The following MKLN1 variants were observed in gnomAD, a reference collection of about 807,000 sequenced individuals.
MKLN1 encodes the protein muskelin.
In MKLN1, 18 loss-of-function variants were observed where a neutral mutation model predicts 99.0. That is an observed-to-expected ratio of 0.18 (90% CI 0.13 to 0.27). MKLN1 has a LOEUF of 0.27. Ranked by LOEUF, MKLN1 falls within the 10% of genes least tolerant of loss-of-function variation. The pLI, the probability that MKLN1 is intolerant of heterozygous loss-of-function variation, is 1.00. For synonymous variants in MKLN1, 288 were observed against 293.2 expected (o/e 0.98, Z 0.18); for missense variants, 621 against 875.9 (o/e 0.71, Z 3.67).
At chr7:131,400,341 A>G (rs1170081474) in intron 6 of MKLN1, among the ~76,000 whole-genome samples, 1 of 151,708 alleles carries the variant, frequency 6.6e-6, no homozygotes, top group East Asian at 1.9e-4. Flanking sequence ...TTTGAGCTCC[A>G]CTTTTTGAAA....
rs770535848 is a variant in MKLN1, at chr7:131,327,909, G to T, written c.10G>T (p.Gly4Cys). 1 of 1,612,410 alleles carries T rather than the reference G, an allele frequency of 6.2e-7. No individual in the cohort carries two copies. Among genetic ancestry groups the T allele is most frequent in the South Asian group, 1.1e-5 (1 of 91,078 alleles). MAAGGAVAAAPECR... is the reference protein window; with the variant it reads MAACGAVAAAPECR... ...CTACGGTGCTGACAAGATGGCGGCT[G>T]GCGGAGCTGTCGCTGCGGCGCCCGA... is the stretch of plus-strand genomic sequence containing the variant. The change falls in exon 1 of 18, where the codon GGC becomes TGC. Residue 4 changes from glycine (G) to cysteine (C), a missense_variant. This residue lies in a region of MKLN1 where 58 missense variants were observed against 40.0 expected (regional missense o/e 1.45). Transcript: ENST00000352689.
chr7:131,414,399 CATAA>C (rs1269712913), intron 7 of MKLN1, among the ~76,000 whole-genome samples: 7 of 151,892 alleles, frequency 4.6e-5, no homozygotes, highest in Non-Finnish European at 7.4e-5. Flanking sequence ...TGGCATTGAT[CATAA>C]ATAAATCAAA....
chr7:131,403,913 A>G (rs1232753950), intron 6 of MKLN1, among the ~76,000 whole-genome samples: 2 of 152,230 alleles, frequency 1.3e-5, no homozygotes, highest in Non-Finnish European at 2.9e-5. Context: ...GAAAAACGGC[A>G]TCCATAGACT....
At chr7:131,242,104 T>C (rs536644904) in intron 3 of MKLN1, among the ~76,000 whole-genome samples, 3 of 152,366 alleles carry the variant, frequency 2.0e-5, no homozygotes, top group South Asian at 4.1e-4. Context: ...TAAGATTAAA[T>C]ACAGCAAATC....
rs772656894 is a variant in MKLN1, at chr7:131,383,028, C to T, written c.169-4092C>T. ...ATGAGCCACCACACCCGGCCAGCTACGGATATTTTATATATGTCCTGTGTT... is the reference window on the plus strand; with the variant it reads ...ATGAGCCACCACACCCGGCCAGCTATGGATATTTTATATATGTCCTGTGTT... On this transcript the variant is annotated intron_variant, in intron 2 of 17. Coordinates refer to ENST00000352689, the MANE Select transcript of MKLN1 (RefSeq NM_013255.5). Among the ~76,000 whole-genome samples the T allele has an allele frequency of 3.3e-5, 5 of 152,220 alleles. No individual in the cohort carries two copies. In the East Asian group the frequency reaches 7.7e-4, roughly 24 times the overall value.
At chr7:131,137,838 G>C (rs1795672227) in intron 1 of MKLN1, among the ~76,000 whole-genome samples, 1 of 151,972 alleles carries the variant, frequency 6.6e-6, no homozygotes, top group Non-Finnish European at 1.5e-5. Context: ...GCCTCCCAAA[G>C]TGCTGGGATT....
chr7:131,221,651 G>T (rs1034662289), intron 3 of MKLN1, among the ~76,000 whole-genome samples: 26 of 151,226 alleles, frequency 1.7e-4, no homozygotes, highest in African/African-American at 6.1e-4. Flanking sequence ...GGGATTACAG[G>T]TGTGTGCCAC....
At chr7:131,152,885 T>C (rs1795908632) in intron 2 of MKLN1, among the ~76,000 whole-genome samples, 2 of 152,050 alleles carry the variant, frequency 1.3e-5, no homozygotes, top group African/African-American at 2.4e-5. Flanking sequence ...TTTAATTTCA[T>C]TTTTTTCCTC....
chr7:131,443,460 T>G, intron 10 of MKLN1, 21 bp from the exon 11 acceptor site: 1 of 1,529,876 alleles, frequency 6.5e-7, no homozygotes, highest in Non-Finnish European at 9.1e-7. Context: ...AACTATTCAA[T>G]CTGTTGCCTT....
At chr7:131,307,498 C>T (rs1798485165) in intron 3 of MKLN1, among the ~76,000 whole-genome samples, 1 of 152,132 alleles carries the variant, frequency 6.6e-6, no homozygotes, top group South Asian at 2.1e-4. Context: ...AAAGCAGCTG[C>T]AGGGGCTGTA....
chr7:131,413,293 A>G (rs946055660), intron 7 of MKLN1, among the ~76,000 whole-genome samples: 1 of 152,220 alleles, frequency 6.6e-6, no homozygotes, highest in Non-Finnish European at 1.5e-5. Context: ...GAAAAGCTTC[A>G]GTTTTGTATC....
chr7:131,440,344 C>T (rs577881845), intron 10 of MKLN1, among the ~76,000 whole-genome samples: 5 of 152,190 alleles, frequency 3.3e-5, no homozygotes, highest in African/African-American at 9.6e-5. Context: ...ATGGCTTCAC[C>T]GGAAGTGCCA....
intron 2 of MKLN1, among the ~76,000 whole-genome samples, chr7:131,148,724 C>T (rs1355624636): frequency 6.6e-6 from 1 of 152,042 alleles, no homozygotes; most frequent in African/African-American, 2.4e-5. Flanking sequence ...CAGTGAGCCA[C>T]GATTGTGCAA....
rs1416760367 is a variant in MKLN1, at chr7:131,493,528, T to C, written c.*5800T>C. 6.6e-6 allele frequency: 1 copy of C among 152,084 alleles called. No individual in the cohort carries two copies. Among genetic ancestry groups the C allele is most frequent in the Non-Finnish European group, 1.5e-5 (1 of 68,038 alleles). 9.4% of individuals were successfully genotyped at this position (152,084 alleles called of 1,614,324 possible). On this transcript the variant is annotated 3_prime_UTR_variant, in exon 18 of 18. Coordinates refer to ENST00000352689, the MANE Select transcript of MKLN1 (RefSeq NM_013255.5). Reference sequence around the variant, plus strand: ...ATATTCAGTAATTCTGAATAGTCTTTGGGAAGTAGCATTTCTTGGGAAGTA... The same window carrying C: ...ATATTCAGTAATTCTGAATAGTCTTCGGGAAGTAGCATTTCTTGGGAAGTA...
intron 3 of MKLN1, among the ~76,000 whole-genome samples, chr7:131,293,670 G>C (rs1031999995): frequency 5.3e-5 from 8 of 152,168 alleles, no homozygotes; most frequent in African/African-American, 1.9e-4. Context: ...GCTGGGTGTA[G>C]TGGTGTGCAC....
intron 3 of MKLN1, among the ~76,000 whole-genome samples, chr7:131,303,351 A>G (rs1367157140): frequency 6.6e-6 from 1 of 152,238 alleles, no homozygotes; most frequent in Non-Finnish European, 1.5e-5. Flanking sequence ...AGCCAGCCTC[A>G]GTGTTCACCT....
chr7:131,385,785 A>G (rs1793994354), intron 2 of MKLN1, among the ~76,000 whole-genome samples: 2 of 152,096 alleles, frequency 1.3e-5, no homozygotes, highest in Non-Finnish European at 2.9e-5. Flanking sequence ...CTTATCAGAT[A>G]TATGATTTGC....
intron 1 of MKLN1, among the ~76,000 whole-genome samples, chr7:131,348,003 A>G (rs1436316840): frequency 1.3e-5 from 2 of 152,234 alleles, no homozygotes; most frequent in African/African-American, 4.8e-5. Flanking sequence ...TTAACAAAGG[A>G]AAGGCTGAGA....
intron 3 of MKLN1, among the ~76,000 whole-genome samples, chr7:131,239,580 A>G (rs1366052510): frequency 6.6e-6 from 1 of 152,164 alleles, no homozygotes; most frequent in Non-Finnish European, 1.5e-5. Flanking sequence ...GGTCTCCTAA[A>G]TTGCTAGGAT....
Sources: gnomAD v4.1 joint callset for allele counts (sites outside exome capture counted in the v4.1 genomes callset) on GRCh38, gnomAD v4.1.1 for gene constraint, gnomAD v4.1.1 regional missense constraint, MANE v1.5 for transcripts, NCBI Gene and HGNC (gene_info 2026-07-23, HGNC 2026-07-21) for gene names.